APTX: variants seen among roughly 807,000 people sequenced by gnomAD.
APTX encodes the protein aprataxin.
In APTX, 33 loss-of-function variants were observed where a neutral mutation model predicts 42.3. The observed-to-expected ratio is 0.78, with a 90% CI of 0.59 to 1.04. The LOEUF (loss-of-function observed/expected upper bound fraction) is 1.04, where lower values mean the gene tolerates loss of function less well. APTX is among the 50% of genes least tolerant of loss of function. The pLI, the probability that APTX is intolerant of heterozygous loss-of-function variation, is 0.00. For missense variants in APTX, 421 were observed against 415.1 expected (o/e 1.01, Z -0.12); for synonymous variants, 130 against 146.7 (o/e 0.89, Z 0.82).
chr9:33,001,394 TG>T (rs1412972839), intron 1 of APTX, 172 bp downstream of exon 1: 1 of 1,533,300 alleles, frequency 6.5e-7, no homozygotes, highest in African/African-American at 1.4e-5. Context: ...GAGCGCCCGC[TG>T]AAACAGCCCA....
At chr9:33,010,719 C>CA (rs369862649) in intron 1 of APTX, among the ~76,000 whole-genome samples, 16,021 of 127,088 alleles carry the variant, frequency 0.13, 929 homozygotes, top group African/African-American at 0.17. Flanking sequence ...AACCTCGTTC[C>CA]AAAAAAAAAA....
Position 32,987,677 on chromosome 9 carries a change from C to T in APTX, c.350G>A (p.Arg117Lys), listed in dbSNP as rs200419760. The T allele has an allele frequency of 1.9e-6, 3 of 1,614,178 alleles. No individual in the cohort carries two copies. Among genetic ancestry groups the T allele is most frequent in the Non-Finnish European group, 2.5e-6 (3 of 1,180,042 alleles). Residue 117 changes from arginine to lysine, a missense_variant, in exon 4 of 8, where the codon AGA (arginine) becomes AAA (lysine). By Grantham distance (26) the Arg-to-Lys change is conservative. Transcript: ENST00000379817. Reference protein sequence around the residue: ...PGLETHRKRKRSGNSDSIERD... With the variant: ...PGLETHRKRKKSGNSDSIERD... The stretch of plus-strand genomic sequence containing the variant: ...TTCTATAGAATCACTGTTGCCTGAT[C>T]TCTTTCTCTTCCTGTGTGTTTCCAG...
chr9:32,986,055 C>CCA, intron 4 of APTX, 25 bp from the exon 5 acceptor site: 2 of 521,254 alleles, frequency 3.8e-6, no homozygotes, highest in East Asian at 4.6e-5. Flanking sequence ...AAAAAAAAAA[C>CCA]AAAAAAAAAA....
chr9:33,020,079 C>A (rs886071647), intron 1 of APTX: 1 of 388,036 alleles, frequency 2.6e-6, no homozygotes, highest in African/African-American at 2.1e-5. Flanking sequence ...TGTGATCACC[C>A]TAGCCATCCC....
At position 32,989,770 on chromosome 9, in the gene APTX, G is replaced by C. The variant is rs1024283851; in HGVS notation, c.122C>G (p.Ser41Cys). 2 of 1,614,212 alleles carry C rather than the reference G, an allele frequency of 1.2e-6. No individual in the cohort carries two copies. Among genetic ancestry groups the C allele is most frequent in the Admixed American group, 3.3e-5 (2 of 60,032 alleles). The change falls in exon 2 of 8, where the codon TCT (serine) becomes TGT (cysteine). Residue 41 changes from serine (S) to cysteine (C), a missense_variant. Ser to Cys is a moderately radical substitution (Grantham distance 112). Coordinates refer to ENST00000379817, the MANE Select transcript of APTX (RefSeq NM_001195248.2). ...PETKITDKKCSRQQVQLKAEC... is the reference protein window; with the variant it reads ...PETKITDKKCCRQQVQLKAEC... The stretch of plus-strand genomic sequence containing the variant: ...CTATGACCAGTTACCTTGCTGTCGA[G>C]AACATTTCTTATCAGTGATCTTGGT...
upstream of APTX, among the ~76,000 whole-genome samples, chr9:33,006,146 G>A (rs1837121338): frequency 6.6e-6 from 1 of 151,900 alleles, no homozygotes. Flanking sequence ...TTCTGGCTGG[G>A]CTCAGTGGCT....
chr9:32,984,964 G>A, intron 5 of APTX, 107 bp from the exon 6 acceptor site: 2 of 1,046,696 alleles, frequency 1.9e-6, no homozygotes, highest in Non-Finnish European at 2.9e-6. Flanking sequence ...TTGTGCAAAT[G>A]GTTTTAATAG....
At chr9:32,984,560 CA>C in intron 6 of APTX, 70 bp downstream of exon 6, 2 of 1,502,294 alleles carry the variant, frequency 1.3e-6, no homozygotes, top group South Asian at 2.3e-5. Context: ...GTGCCCTCAG[CA>C]AGCCCAGGCT....
At position 32,973,114 on chromosome 9, in the gene APTX, G is replaced by C. The variant is rs1192601306; in HGVS notation, c.*384C>G. On this transcript the variant is annotated 3_prime_UTR_variant, in exon 8 of 8. Coordinates refer to ENST00000379817, the MANE Select transcript of APTX (RefSeq NM_001195248.2). ...GCCACTCTAGATGCTCTGATTAAAGGTTGTCCATGCCTACAGAGGCGGAGG... is the reference window on the plus strand; with the variant it reads ...GCCACTCTAGATGCTCTGATTAAAGCTTGTCCATGCCTACAGAGGCGGAGG... The C allele has an allele frequency of 4.4e-6, 2 of 458,276 alleles. No homozygotes were observed. Among genetic ancestry groups the C allele is most frequent in the South Asian group, 3.1e-5 (2 of 64,510 alleles). 28.4% of individuals were successfully genotyped at this position (458,276 alleles called of 1,614,324 possible).
Position 32,980,402 on chromosome 9 carries a change from A to G in APTX, c.770+4229T>C, listed in dbSNP as rs139090567. On this transcript the variant is annotated intron_variant, in intron 6 of 7. Coordinates refer to ENST00000379817, the MANE Select transcript of APTX (RefSeq NM_001195248.2). Reference sequence around the variant, plus strand: ...TTGGCAATGGGAACCACCTTGTCCAATGTGGCTCTGGCAGGTCTTCCCCAC... The same window carrying G: ...TTGGCAATGGGAACCACCTTGTCCAGTGTGGCTCTGGCAGGTCTTCCCCAC... 23 of 174,620 alleles carry G rather than the reference A, an allele frequency of 1.3e-4. 2 individuals carry two copies. Among genetic ancestry groups the G allele is most frequent in the African/African-American group, 4.7e-4 (20 of 42,278 alleles). The allele number at this position is 174,620 out of a possible 1,614,324, so 10.8% of individuals were successfully genotyped here. A position where few individuals can be genotyped will look rare whatever the true frequency, so the allele number is the denominator to read the frequency against.
intron 1 of APTX, among the ~76,000 whole-genome samples, chr9:33,000,811 C>T (rs1367587594): frequency 4.7e-5 from 7 of 148,312 alleles, no homozygotes; most frequent in African/African-American, 1.7e-4. Context: ...GCCACTATCA[C>T]TGGTATGTAT....
Position 33,009,689 on chromosome 9 carries a change from G to A in APTX, c.-5+15334C>T, listed in dbSNP as rs567661845. Among the ~76,000 whole-genome samples the A allele has an allele frequency of 5.6e-4, 85 of 152,162 alleles. 1 individual carries two copies. The highest frequency in any genetic ancestry group is 3.7e-3 in the South Asian group (18 of 4,818). ...AGCTACTTGAGAGACTGAGGAAAGA[G>A]GACTGCTTGAGCCCAGAAGTCCAAG... On this transcript the variant is annotated intron_variant, in intron 1 of 6. Coordinates refer to the APTX transcript ENST00000436040.
chr9:33,006,707 A>G (rs181662352), intron 1 of APTX, among the ~76,000 whole-genome samples: 56 of 152,262 alleles, frequency 3.7e-4, no homozygotes, highest in African/African-American at 1.3e-3. Context: ...GGGCGTCAAG[A>G]AAGACCTATC....
intron 1 of APTX, among the ~76,000 whole-genome samples, chr9:33,015,493 G>A (rs1837834282): frequency 6.6e-6 from 1 of 152,060 alleles, no homozygotes; most frequent in South Asian, 2.1e-4. Context: ...CGAGTAGCTG[G>A]GATTACAGCC....
At chr9:32,978,201 G>A (rs966844803) in intron 6 of APTX, among the ~76,000 whole-genome samples, 3 of 152,180 alleles carry the variant, frequency 2.0e-5, no homozygotes, top group Non-Finnish European at 2.9e-5. Flanking sequence ...ACGACTTAAT[G>A]AGAATAGACT....
intron 4 of APTX, 191 bp from the exon 5 acceptor site, chr9:32,986,221 CTTT>C (rs903896685): frequency 1.4e-6 from 1 of 702,790 alleles, no homozygotes; most frequent in Admixed American, 1.9e-5. Flanking sequence ...CCTATATTCT[CTTT>C]TTTTTTGAGA....
intron 1 of APTX, among the ~76,000 whole-genome samples, chr9:32,999,698 G>A (rs1037422735): frequency 6.6e-6 from 1 of 152,216 alleles, no homozygotes; most frequent in African/African-American, 2.4e-5. Flanking sequence ...CAAACAGGCC[G>A]GGTGCGGTGG....
At chr9:32,990,046 T>G in intron 1 of APTX, 151 bp from the exon 2 acceptor site, 1 of 882,550 alleles carries the variant, frequency 1.1e-6, no homozygotes, top group East Asian at 2.6e-5. Context: ...TCCTCACCTA[T>G]AAACCATGAT....
intron 1 of APTX, 198 bp downstream of exon 1, chr9:33,001,369 G>T (rs559847839): frequency 2.0e-6 from 3 of 1,530,360 alleles, no homozygotes; most frequent in African/African-American, 1.4e-5. Context: ...CGCAAAGTGG[G>T]TCGAAGACCA....
Sources: allele counts gnomAD v4.1 joint callset (sites outside exome capture counted in the v4.1 genomes callset), GRCh38; gene constraint gnomAD v4.1.1; transcripts MANE v1.5; gene names NCBI Gene and HGNC (gene_info 2026-07-23, HGNC 2026-07-21).